The following KMT2C variants were observed in gnomAD, a reference collection of about 807,000 sequenced individuals.
KMT2C encodes histone-lysine N-methyltransferase 2C.
Under a neutral mutation model 507.9 loss-of-function variants are expected in KMT2C, and 88 were observed. That is an observed-to-expected ratio of 0.17 (90% confidence interval 0.15 to 0.21). The LOEUF is 0.21. Among genes scored for constraint, KMT2C ranks in the 10% least tolerant of loss-of-function variants. The pLI is 1.00. For synonymous variants in KMT2C, 2,049 were observed against 2,080.8 expected, an observed-to-expected ratio of 0.98 and a Z score of 0.42; for missense variants, 4,954 against 5,957.8, an observed-to-expected ratio of 0.83 and a Z score of 5.55.
rs1055936346 is a variant in KMT2C at position 152,408,881 on chromosome 7, GTAACAGTC to G, written c.161+26737_161+26744del. On this transcript the variant is annotated intron_variant, in intron 1 of 58. Coordinates refer to ENST00000262189, the MANE Select transcript of KMT2C (RefSeq NM_170606.3). Reference sequence around the variant, plus strand: ...GTTAATATCAAATATCTTAGAATAGGTAACAGTCTAATATGAATTTAACTGTGAACATA... The same window carrying G: ...GTTAATATCAAATATCTTAGAATAGGTAATATGAATTTAACTGTGAACATA... Among the ~76,000 whole-genome samples, 67 of 151,436 alleles carry G rather than the reference GTAACAGTC, an allele frequency of 4.4e-4. 1 individual carries two copies. Among genetic ancestry groups the G allele is most frequent in the African/African-American group, 1.6e-3 (65 of 41,282 alleles).
intron 18 of KMT2C, among the ~76,000 whole-genome samples, chr7:152,225,381 TAA>T (rs1466523737): frequency 2.0e-5 from 3 of 151,884 alleles, no homozygotes; most frequent in Non-Finnish European, 4.4e-5. Context: ...GAGAAGAAAA[TAA>T]AAGAGTTAAA....
chr7:152,211,545 C>T (rs1257580539), intron 23 of KMT2C, among the ~76,000 whole-genome samples: 1 of 152,146 alleles, frequency 6.6e-6, no homozygotes, highest in Non-Finnish European at 1.5e-5. Flanking sequence ...CACCTTTCAC[C>T]TGAAACAATG....
In KMT2C at chr7:152,136,691, G is replaced by T; in HGVS notation, c.*141C>A. On this transcript the variant is annotated 3_prime_UTR_variant, in exon 59 of 59. Transcript: ENST00000262189. ...CGCTGCTTTAACCTAAAGGACTGAG[G>T]AAATCAGAACTCCCAGAAGCTTTTT... 2 of 651,260 alleles carry T rather than the reference G, an allele frequency of 3.1e-6. No homozygotes were observed. The highest frequency in any genetic ancestry group is 5.4e-6 in the Non-Finnish European group (2 of 367,032). The allele number at this position is 651,260 out of a possible 1,614,324, so 40.3% of individuals were successfully genotyped here.
In KMT2C at chr7:152,220,557, C is replaced by T. The variant is rs2129145558; in HGVS notation, c.3678G>A (p.Glu1226=). The T allele has an allele frequency of 1.2e-6, 2 of 1,611,504 alleles. No homozygotes were observed. The highest frequency in any genetic ancestry group is 2.2e-5 in the East Asian group (1 of 44,876). ...CATCCATTTCACCATCCCTTGAATG[C>T]TCTGATTGGATGTCTGGAGGGGTCT... ...VLQTPPDIQS[E]HSRDGEMDDS... is the part of the protein sequence containing the mutation. Residue 1226 remains glutamate (E), a synonymous_variant, in exon 23 of 59, where the codon GAG becomes GAA. Transcript: ENST00000262189.
intron 1 of KMT2C, among the ~76,000 whole-genome samples, chr7:152,376,920 C>T (rs1564038995): frequency 6.6e-6 from 1 of 152,212 alleles, no homozygotes; most frequent in Non-Finnish European, 1.5e-5. Context: ...AGGCTGGGGC[C>T]ACACCTGTTA....
chr7:152,292,815 T>C (rs1035128152), intron 6 of KMT2C, among the ~76,000 whole-genome samples: 6 of 152,148 alleles, frequency 3.9e-5, no homozygotes, highest in African/African-American at 1.4e-4. Context: ...CTCAGCTGGA[T>C]TTTTTTGAAC....
chr7:152,327,436 T>G (rs576143360), intron 3 of KMT2C, among the ~76,000 whole-genome samples: 1 of 152,278 alleles, frequency 6.6e-6, no homozygotes, highest in South Asian at 2.1e-4. Context: ...GTTCCCGAAG[T>G]AGGCCTAGAG....
chr7:152,435,553 G>A (rs2097910219), intron 1 of KMT2C, 73 bp downstream of exon 1: 24 of 958,096 alleles, frequency 2.5e-5, no homozygotes, highest in Non-Finnish European at 3.0e-5. Context: ...AGGCCGCGGG[G>A]CGGGCGCCCG....
chr7:152,307,191 G>GAGGGAGGA (rs747460487), intron 6 of KMT2C, among the ~76,000 whole-genome samples: 13 of 88,212 alleles, frequency 1.5e-4, no homozygotes, highest in Non-Finnish European at 2.5e-4. Flanking sequence ...AAGGAAAGAA[G>GAGGGAGGA]AGGGAGGAAG....
At chr7:152,337,413 C>G (rs902869267) in intron 2 of KMT2C, among the ~76,000 whole-genome samples, 13 of 152,310 alleles carry the variant, frequency 8.5e-5, no homozygotes, top group African/African-American at 3.1e-4. Flanking sequence ...AGATCTAACC[C>G]TTTCCCTTAA....
chr7:152,385,340 C>T (rs1437700938), intron 1 of KMT2C, among the ~76,000 whole-genome samples: 3 of 119,986 alleles, frequency 2.5e-5, no homozygotes, highest in East Asian at 4.6e-4. Flanking sequence ...TGGCCGGGCG[C>T]GGTGGCTCAC....
chr7:152,390,234 TAAAGAA>T (rs2097480972), intron 1 of KMT2C, among the ~76,000 whole-genome samples: 2 of 150,910 alleles, frequency 1.3e-5, no homozygotes, highest in East Asian at 3.9e-4. Flanking sequence ...TTTTAAATTG[TAAAGAA>T]AAAAAGTATT....
intron 8 of KMT2C, among the ~76,000 whole-genome samples, chr7:152,264,207 G>A (rs1030817942): frequency 4.6e-5 from 7 of 152,146 alleles, no homozygotes; most frequent in East Asian, 3.9e-4. Context: ...TTTATGTCAC[G>A]TAACTCTAAG....
chr7:152,408,041 G>A (rs1415652452), intron 1 of KMT2C, among the ~76,000 whole-genome samples: 1 of 152,226 alleles, frequency 6.6e-6, no homozygotes, highest in Admixed American at 6.5e-5. Context: ...TGTAATCCCA[G>A]CACTCTGGGA....
chr7:152,174,846 C>T (rs565809808), intron 38 of KMT2C, among the ~76,000 whole-genome samples: 11 of 152,258 alleles, frequency 7.2e-5, no homozygotes, highest in African/African-American at 2.4e-4. Flanking sequence ...GACTGCATTG[C>T]TTTTGTTGTT....
In KMT2C at chr7:152,167,180, TCAGTAA is replaced by T; in HGVS notation, c.9710_9715del (p.Val3237_Thr3238del). ...CTGTTTCTGAACCATGCTTTGCTGT[TCAGTAA>T]CATGCTTGAGTTGTTCTGCATCTTC... is the stretch of plus-strand genomic sequence containing the variant. On this transcript the variant is annotated inframe_deletion, in exon 42 of 59. Transcript: ENST00000262189. 1 of 1,614,200 alleles carries T rather than the reference TCAGTAA, an allele frequency of 6.2e-7. No individual in the cohort carries two copies.
At chr7:152,327,487 C>G (rs962206845) in intron 3 of KMT2C, among the ~76,000 whole-genome samples, 3 of 152,156 alleles carry the variant, frequency 2.0e-5, no homozygotes, top group African/African-American at 7.2e-5. Flanking sequence ...CTCTCAGGCA[C>G]CTGCTCTAAA....
At chr7:152,262,874 T>TTATA in intron 9 of KMT2C, 142 bp downstream of exon 9, 2 of 614,872 alleles carry the variant, frequency 3.3e-6, no homozygotes, top group Non-Finnish European at 5.7e-6. Flanking sequence ...GTACAGTTTA[T>TTATA]TATATGTCAG....
intron 1 of KMT2C, among the ~76,000 whole-genome samples, chr7:152,386,628 T>G (rs1387849952): frequency 1.3e-5 from 2 of 152,308 alleles, no homozygotes; most frequent in Non-Finnish European, 2.9e-5. Context: ...CTTCTCACCC[T>G]CATTTGCCAG....
Sources: allele counts gnomAD v4.1 joint callset (sites outside exome capture counted in the v4.1 genomes callset), GRCh38; gene constraint gnomAD v4.1.1; transcripts MANE v1.5; gene names NCBI Gene and HGNC (gene_info 2026-07-23, HGNC 2026-07-21).